SMAD4: variants seen among roughly 807,000 people sequenced by gnomAD.
SMAD4 encodes the protein MAD homolog 4.
SMAD4 carries 7 observed loss-of-function variants against 63.2 expected under a neutral mutation model. The observed-to-expected ratio is 0.11, with a 90% CI of 0.06 to 0.21. SMAD4 has a LOEUF of 0.21. Ranked by LOEUF, SMAD4 falls within the 10% of genes least tolerant of loss-of-function variation. The pLI, the probability that SMAD4 is intolerant of heterozygous loss-of-function variation, is 1.00. For synonymous variants in SMAD4, 215 were observed against 235.4 expected (o/e 0.91, Z 0.79); for missense variants, 312 against 693.8 (o/e 0.45, Z 6.18).
chr18:51,061,410 C>G (rs754828843), intron 8 of SMAD4, among the ~76,000 whole-genome samples: 4 of 152,256 alleles, frequency 2.6e-5, no homozygotes, highest in Admixed American at 6.5e-5. Context: ...TCTATGGGTT[C>G]AATTGTTTTG....
At chr18:51,050,672 AAAGG>A (rs1332882565) in intron 4 of SMAD4, among the ~76,000 whole-genome samples, 1 of 151,352 alleles carries the variant, frequency 6.6e-6, no homozygotes, top group Non-Finnish European at 1.5e-5. Flanking sequence ...AAAAAAAAAA[AAAGG>A]AACCACTGTC....
Position 51,058,349 on chromosome 18 carries a change from C to A in SMAD4, c.797C>A (p.Thr266Asn), listed in dbSNP as rs1909899027. ...GGGCCTTAATTTTTAGACAGCACTA[C>A]CACCTGGACTGGAAGTAGGACTGCA... ...QPATYHHNST[T>N]TWTGSRTAPY... The change falls in exon 7 of 12, where the codon ACC becomes AAC. Residue 266 changes from threonine to asparagine, a missense_variant. Thr to Asn is a moderately conservative substitution (Grantham distance 65). Transcript: ENST00000342988. 6.2e-7 allele frequency: 1 copy of A among 1,614,070 alleles called. No individual in the cohort carries two copies. Among genetic ancestry groups the A allele is most frequent in the Non-Finnish European group, 8.5e-7 (1 of 1,179,940 alleles).
In SMAD4 at chr18:51,046,971, T is replaced by C; in HGVS notation, c.-76T>C. On this transcript the variant is annotated 5_prime_UTR_variant, in exon 2 of 12. Coordinates refer to ENST00000342988, the MANE Select transcript of SMAD4 (RefSeq NM_005359.6). ...TTTCCTTGCAACGTTAGCTGTTGTT[T>C]TTCACTGTTTCCAAAGGATCAAAAT... is the stretch of plus-strand genomic sequence containing the variant. 1 of 1,405,060 alleles carries C rather than the reference T, an allele frequency of 7.1e-7. No homozygotes were observed. The highest frequency in any genetic ancestry group is 1.0e-6 in the Non-Finnish European group (1 of 994,076). The allele number at this position is 1,405,060 out of a possible 1,614,324, so 87.0% of individuals were successfully genotyped here.
At chr18:51,072,930 C>T (rs996853237) in intron 10 of SMAD4, among the ~76,000 whole-genome samples, 1 of 152,104 alleles carries the variant, frequency 6.6e-6, no homozygotes, top group Admixed American at 6.5e-5. Context: ...CAAATGGAAT[C>T]TGTTATGGTA....
Position 51,082,033 on chromosome 18 carries a change from T to C in SMAD4, c.*3566T>C, listed in dbSNP as rs1281131736. Reference sequence around the variant, plus strand: ...TTCTCTGAGTGGAACAGAGTTCTTTTTGTTGATAATTTCTAGTTTGCTCCC... The same window carrying C: ...TTCTCTGAGTGGAACAGAGTTCTTTCTGTTGATAATTTCTAGTTTGCTCCC... On this transcript the variant is annotated 3_prime_UTR_variant, in exon 12 of 12. Coordinates refer to ENST00000342988, the MANE Select transcript of SMAD4 (RefSeq NM_005359.6). The C allele has an allele frequency of 2.2e-5, 5 of 231,302 alleles. No individual in the cohort carries two copies. Among genetic ancestry groups the C allele is most frequent in the African/African-American group, 4.4e-5 (2 of 45,242 alleles). 14.3% of individuals were successfully genotyped at this position (231,302 alleles called of 1,614,324 possible). A position where few individuals can be genotyped will look rare whatever the true frequency, so the allele number is the denominator to read the frequency against.
chr18:51,071,786 C>T (rs1910325204), intron 10 of SMAD4, among the ~76,000 whole-genome samples: 1 of 152,194 alleles, frequency 6.6e-6, no homozygotes, highest in Non-Finnish European at 1.5e-5. Context: ...CCCAAATCTC[C>T]ATTTCCATTA....
At chr18:51,052,501 A>G in intron 4 of SMAD4, 1 of 184,200 alleles carries the variant, frequency 5.4e-6, no homozygotes, top group South Asian at 9.3e-5. Flanking sequence ...GAAGTGCTCA[A>G]GAAATATTTT....
At chr18:51,063,246 G>GT (rs1910066292) in intron 8 of SMAD4, among the ~76,000 whole-genome samples, 1 of 151,932 alleles carries the variant, frequency 6.6e-6, no homozygotes, top group Non-Finnish European at 1.5e-5. Context: ...TGTTGTTACT[G>GT]TTTTTTGTTG....
At chr18:51,073,361 TTATA>T (rs35099364) in intron 10 of SMAD4, among the ~76,000 whole-genome samples, 25 of 22,218 alleles carry the variant, frequency 1.1e-3, no homozygotes, top group African/African-American at 4.0e-3. Flanking sequence ...CCAGATAACA[TTATA>T]TATATATATA....
chr18:51,032,222 T>C (rs1286859408), intron 1 of SMAD4, among the ~76,000 whole-genome samples: 5 of 152,218 alleles, frequency 3.3e-5, no homozygotes, highest in Non-Finnish European at 7.3e-5. Flanking sequence ...AGAAGTGGCT[T>C]TTTCTTTGCT....
rs887436849 is a variant in SMAD4 at position 51,083,705 on chromosome 18, G to A, written c.*5238G>A. The stretch of plus-strand genomic sequence containing the variant: ...TTGGGCAAGTCATTTATCTTCTCTG[G>A]GCCTTAGTTGCCTCATCTGTAAAAT... On this transcript the variant is annotated 3_prime_UTR_variant, in exon 12 of 12. Transcript: ENST00000342988. The A allele has an allele frequency of 8.8e-6, 2 of 228,374 alleles. No homozygotes were observed. Among genetic ancestry groups the A allele is most frequent in the East Asian group, 1.2e-4 (2 of 16,042 alleles). 14.1% of individuals were successfully genotyped at this position (228,374 alleles called of 1,614,324 possible). A position where few individuals can be genotyped will look rare whatever the true frequency, so the allele number is the denominator to read the frequency against.
rs558196623 is a variant in SMAD4, at chr18:51,084,981, G to A, written c.*6514G>A. On this transcript the variant is annotated 3_prime_UTR_variant, in exon 12 of 12. Transcript: ENST00000342988. ...TAAAGTCTGTGGCTAAAAAATAGTC[G>A]AACCTTTCTTGAGAACTCTGTAACA... The A allele has an allele frequency of 1.4e-5, 3 of 210,280 alleles. No homozygotes were observed. Among genetic ancestry groups the A allele is most frequent in the East Asian group, 7.1e-5 (1 of 14,056 alleles). 13.0% of individuals were successfully genotyped at this position (210,280 alleles called of 1,614,324 possible). A position where few individuals can be genotyped will look rare whatever the true frequency, so the allele number is the denominator to read the frequency against.
chr18:51,076,403 C>T (rs1487725170), intron 10 of SMAD4, among the ~76,000 whole-genome samples: 2 of 152,226 alleles, frequency 1.3e-5, no homozygotes, highest in Middle Eastern at 3.4e-3. Flanking sequence ...GATACAGAGG[C>T]GTGTGGCAGC....
intron 7 of SMAD4, 83 bp from the exon 8 acceptor site, chr18:51,059,783 T>C (rs1599191099): frequency 9.0e-6 from 9 of 1,000,340 alleles, no homozygotes; most frequent in Admixed American, 1.8e-5. Flanking sequence ...ATAATAGTTA[T>C]ATTTAAGTAA....
Position 51,065,445 on chromosome 18 carries a change from T to C in SMAD4, c.978T>C (p.Ile326=), listed in dbSNP as rs2144446468. The C allele has an allele frequency of 6.2e-7, 1 of 1,614,058 alleles. No homozygotes were observed. The highest frequency in any genetic ancestry group is 8.5e-7 in the Non-Finnish European group (1 of 1,179,918). ...TAGCTCCTGAGTATTGGTGTTCCAT[T>C]GCTTACTTTGAAATGGATGTTCAGG... ...NHPAPEYWCS[I]AYFEMDVQVG... is the part of the protein sequence containing the mutation. Residue 326 remains isoleucine (I), a synonymous_variant, in exon 9 of 12, where the codon ATT becomes ATC. Coordinates refer to ENST00000342988, the MANE Select transcript of SMAD4 (RefSeq NM_005359.6).
intron 9 of SMAD4, among the ~76,000 whole-genome samples, chr18:51,066,221 G>A (rs775266157): frequency 6.6e-6 from 1 of 151,820 alleles, no homozygotes. Context: ...GTGTCCACCT[G>A]TAATCCCAGC....
At chr18:51,066,936 A>G in intron 9 of SMAD4, 83 bp from the exon 10 acceptor site, 1 of 1,041,820 alleles carries the variant, frequency 9.6e-7, no homozygotes, top group Non-Finnish European at 1.5e-6. Flanking sequence ...ATTTTTCAAT[A>G]TTAAGCATGC....
Position 51,078,581 on chromosome 18 carries a change from G to C in SMAD4, c.*114G>C. 3 of 831,890 alleles carry C rather than the reference G, an allele frequency of 3.6e-6. No individual in the cohort carries two copies. The highest frequency in any genetic ancestry group is 3.7e-6 in the Non-Finnish European group (2 of 533,544). The allele number at this position is 831,890 out of a possible 1,614,324, so 51.5% of individuals were successfully genotyped here. A position where few individuals can be genotyped will look rare whatever the true frequency, so the allele number is the denominator to read the frequency against. On this transcript the variant is annotated 3_prime_UTR_variant, in exon 12 of 12. Coordinates refer to ENST00000342988, the MANE Select transcript of SMAD4 (RefSeq NM_005359.6). ...TTGTTCTGCTTTATCTTTTCATAAA[G>C]GGTTGAAAATGTGTTTGCTGCCTTG...
intron 1 of SMAD4, among the ~76,000 whole-genome samples, chr18:51,037,759 G>C (rs965195340): frequency 1.3e-5 from 2 of 152,170 alleles, no homozygotes; most frequent in African/African-American, 4.8e-5. Flanking sequence ...TATTTAACAG[G>C]ATGACAGATA....
Sources: allele counts gnomAD v4.1 joint callset (sites outside exome capture counted in the v4.1 genomes callset), GRCh38; gene constraint gnomAD v4.1.1; transcripts MANE v1.5; gene names NCBI Gene and HGNC (gene_info 2026-07-23, HGNC 2026-07-21).